AUTS2: variants seen among roughly 807,000 people sequenced by gnomAD.
AUTS2 encodes autism susceptibility gene 2 protein.
AUTS2 carries 17 observed loss-of-function variants against 112.4 expected under a neutral mutation model. That is an observed-to-expected ratio of 0.15 (90% CI 0.10 to 0.23). AUTS2 has a LOEUF of 0.23. AUTS2 is among the 10% of genes least tolerant of loss of function. AUTS2 has a pLI of 1.00. For missense variants in AUTS2, 1,510 were observed against 1,701.6 expected (o/e 0.89, Z 1.98); for synonymous variants, 751 against 702.7 (o/e 1.07, Z -1.09).
At position 70,675,756 on chromosome 7, in the gene AUTS2, T is replaced by C. The variant is rs1213470567; in HGVS notation, c.691-22813T>C. 2.6e-5 allele frequency among the ~76,000 whole-genome samples: 4 copies of C among 152,322 alleles called. No homozygotes were observed. The East Asian group carries it at 7.7e-4, about 29-fold the overall frequency. On this transcript the variant is annotated intron_variant, in intron 5 of 18. Coordinates refer to ENST00000342771, the MANE Select transcript of AUTS2 (RefSeq NM_015570.4). ...CTCTGCAAGCCTTGTCCATGTAGCA[T>C]GGGCTTCTCACAGAACGGCGTCTGG...
At chr7:70,340,163 A>AACACACACACACACACACACACACACAC (rs71077652) in intron 4 of AUTS2, among the ~76,000 whole-genome samples, 4 of 144,682 alleles carry the variant, frequency 2.8e-5, no homozygotes, top group Non-Finnish European at 3.0e-5. Flanking sequence ...TATGGAGAGA[A>AACACACACACACACACACACACACACAC]ACACACACAC....
intron 5 of AUTS2, among the ~76,000 whole-genome samples, chr7:70,453,624 C>G (rs1796618325): frequency 6.6e-6 from 1 of 152,260 alleles, no homozygotes; most frequent in Admixed American, 6.5e-5. Context: ...CCCAGACGCT[C>G]TAAAGGAGAA....
chr7:70,760,827 A>C (rs1378504906), intron 6 of AUTS2, among the ~76,000 whole-genome samples: 2 of 152,228 alleles, frequency 1.3e-5, no homozygotes, highest in African/African-American at 4.8e-5. Flanking sequence ...CACTGGACAG[A>C]AATGTCGGAA....
rs142642999 is a variant in AUTS2, at chr7:69,798,767, G to A, written c.310-100519G>A. ...GCACTTTGGAAGGCCAAGGTGGGAG[G>A]ACTGCTTGTGGCCAGAAGTTTGAGA... On this transcript the variant is annotated intron_variant, in intron 1 of 18. Coordinates refer to ENST00000342771, the MANE Select transcript of AUTS2 (RefSeq NM_015570.4). Among the ~76,000 whole-genome samples the A allele has an allele frequency of 2.7e-3, 412 of 152,174 alleles. 11 individuals carry two copies. The highest frequency in any genetic ancestry group is 3.3e-3 in the Non-Finnish European group (226 of 68,006).
intron 5 of AUTS2, among the ~76,000 whole-genome samples, chr7:70,640,155 C>T (rs1383039834): frequency 1.3e-5 from 2 of 151,828 alleles, no homozygotes; most frequent in East Asian, 1.9e-4. Flanking sequence ...GTCTCTTTCT[C>T]GGGGAGGCTG....
At chr7:70,449,187 G>GTC (rs1179445048) in intron 5 of AUTS2, among the ~76,000 whole-genome samples, 1 of 152,234 alleles carries the variant, frequency 6.6e-6, no homozygotes, top group Non-Finnish European at 1.5e-5. Context: ...TCCTTGCTTT[G>GTC]TCTCTACTTA....
chr7:70,527,964 G>A (rs1799913239), intron 5 of AUTS2, among the ~76,000 whole-genome samples: 1 of 152,090 alleles, frequency 6.6e-6, no homozygotes, highest in Non-Finnish European at 1.5e-5. Flanking sequence ...CTGTTGAGAG[G>A]AATTAGAGCC....
intron 3 of AUTS2, among the ~76,000 whole-genome samples, chr7:70,125,510 C>T (rs1470377174): frequency 1.3e-5 from 2 of 152,142 alleles, no homozygotes; most frequent in Non-Finnish European, 2.9e-5. Flanking sequence ...TGGGTATTTT[C>T]TCTCACAGAT....
chr7:70,361,085 C>T (rs1187332911), intron 4 of AUTS2, among the ~76,000 whole-genome samples: 2 of 152,156 alleles, frequency 1.3e-5, no homozygotes, highest in Non-Finnish European at 2.9e-5. Context: ...GTGGCTCACG[C>T]GTGTAATCCC....
intron 4 of AUTS2, among the ~76,000 whole-genome samples, chr7:70,335,322 C>A (rs1167901915): frequency 2.0e-5 from 3 of 152,156 alleles, no homozygotes; most frequent in Non-Finnish European, 4.4e-5. Flanking sequence ...CTCTCTCCTG[C>A]CCAATTCTTA....
At chr7:69,651,086 T>A (rs913268368) in intron 1 of AUTS2, among the ~76,000 whole-genome samples, 2 of 152,218 alleles carry the variant, frequency 1.3e-5, no homozygotes, top group Non-Finnish European at 2.9e-5. Context: ...CCATTGGGAA[T>A]GCAGATTTGG....
chr7:70,460,054 G>A (rs1165576543), intron 5 of AUTS2, among the ~76,000 whole-genome samples: 1 of 152,166 alleles, frequency 6.6e-6, no homozygotes, highest in Non-Finnish European at 1.5e-5. Flanking sequence ...ACAGCCCCGG[G>A]AGGTGGAGGC....
chr7:70,155,244 T>C (rs538343069), intron 4 of AUTS2, among the ~76,000 whole-genome samples: 31 of 152,190 alleles, frequency 2.0e-4, no homozygotes, highest in Non-Finnish European at 3.8e-4. Flanking sequence ...GAGGGTTCGA[T>C]CTGGGAATAA....
chr7:69,809,321 G>A (rs968270771), intron 1 of AUTS2, among the ~76,000 whole-genome samples: 1 of 151,614 alleles, frequency 6.6e-6, no homozygotes, highest in Non-Finnish European at 1.5e-5. Context: ...CTCGTGATCT[G>A]CCCGCCTTGG....
chr7:69,659,583 G>GTTTT (rs58289887), intron 1 of AUTS2, among the ~76,000 whole-genome samples: 917 of 81,164 alleles, frequency 0.011, 28 homozygotes, highest in East Asian at 0.018. Context: ...AGGCTTAGTT[G>GTTTT]TTTTTTTTTT....
chr7:70,398,339 AGGAG>A (rs1794176639), intron 4 of AUTS2, among the ~76,000 whole-genome samples: 1 of 152,232 alleles, frequency 6.6e-6, no homozygotes, highest in Non-Finnish European at 1.5e-5. Flanking sequence ...GCTCACTCTG[AGGAG>A]AATTAATACC....
At chr7:70,392,185 T>C (rs942191735) in intron 4 of AUTS2, among the ~76,000 whole-genome samples, 1 of 152,212 alleles carries the variant, frequency 6.6e-6, no homozygotes, top group Admixed American at 6.5e-5. Flanking sequence ...AGAAGGCTTC[T>C]TGAGGGCAAG....
chr7:70,608,644 A>G (rs1369993651), intron 5 of AUTS2, among the ~76,000 whole-genome samples: 4 of 152,226 alleles, frequency 2.6e-5, no homozygotes, highest in African/African-American at 9.6e-5. Flanking sequence ...AAGTGCTTAG[A>G]GCTTCCGTGT....
intron 4 of AUTS2, among the ~76,000 whole-genome samples, chr7:70,137,740 A>G (rs1171259969): frequency 1.3e-5 from 2 of 152,208 alleles, no homozygotes; most frequent in Non-Finnish European, 1.5e-5. Context: ...ATATCACTCT[A>G]TACTACCAAA....
Sources: allele counts gnomAD v4.1 joint callset (sites outside exome capture counted in the v4.1 genomes callset), GRCh38; gene constraint gnomAD v4.1.1; transcripts MANE v1.5; gene names NCBI Gene and HGNC (gene_info 2026-07-23, HGNC 2026-07-21).